The following GPHN variants were observed in gnomAD, a reference collection of about 807,000 sequenced individuals.
GPHN encodes the protein gephyrin.
GPHN carries 17 observed loss-of-function variants against 95.5 expected under a neutral mutation model. That is an observed-to-expected ratio of 0.18 (90% confidence interval 0.12 to 0.27). GPHN has a LOEUF of 0.27. GPHN is among the 10% of genes least tolerant of loss of function. The pLI, the probability that GPHN is intolerant of heterozygous loss-of-function variation, is 1.00. For synonymous variants in GPHN, 320 were observed against 322.5 expected (o/e 0.99, Z 0.08); for missense variants, 660 against 978.1 (o/e 0.67, Z 4.34).
At chr14:67,077,413 C>T (rs552622587) in intron 11 of GPHN, among the ~76,000 whole-genome samples, 2 of 152,268 alleles carry the variant, frequency 1.3e-5, no homozygotes, top group South Asian at 4.1e-4. Flanking sequence ...TGACTTGCCA[C>T]ATGTTTTCAA....
intron 2 of GPHN, among the ~76,000 whole-genome samples, chr14:66,688,858 TAACAATGAG>T (rs1378551873): frequency 8.0e-6 from 1 of 124,736 alleles, no homozygotes; most frequent in Non-Finnish European, 1.6e-5. Context: ...AGTGGGAGTT[TAACAATGAG>T]AACACATGGA....
At chr14:67,202,401 T>C in the GPHN span, among the ~76,000 whole-genome samples, 1 of 152,088 alleles carries the variant, frequency 6.6e-6, no homozygotes, top group Admixed American at 6.5e-5. Context: ...AGATCACCCA[T>C]GGCACTCCAG....
chr14:67,299,330 T>C, the GPHN span, among the ~76,000 whole-genome samples: 1 of 149,618 alleles, frequency 6.7e-6, no homozygotes, highest in African/African-American at 2.5e-5. Context: ...TAAAAACAAG[T>C]AGCGAAATGT....
At chr14:67,341,894 T>A in the GPHN span, among the ~76,000 whole-genome samples, 2 of 152,148 alleles carry the variant, frequency 1.3e-5, no homozygotes, top group Non-Finnish European at 2.9e-5. Context: ...CCCCCAACCC[T>A]GTGCTCTCTG....
At chr14:66,637,585 A>G (rs2064169286) in intron 1 of GPHN, among the ~76,000 whole-genome samples, 1 of 152,176 alleles carries the variant, frequency 6.6e-6, no homozygotes, top group African/African-American at 2.4e-5. Context: ...CTGTCTCATA[A>G]GATAGTATTA....
the GPHN span, among the ~76,000 whole-genome samples, chr14:67,278,482 T>A: frequency 1.3e-5 from 2 of 152,268 alleles, no homozygotes; most frequent in South Asian, 4.1e-4. Flanking sequence ...TCTCAAAAAC[T>A]CTTAAAGATG....
At chr14:66,585,209 G>A (rs1352365377) in intron 1 of GPHN, among the ~76,000 whole-genome samples, 2 of 152,126 alleles carry the variant, frequency 1.3e-5, no homozygotes, top group African/African-American at 2.4e-5. Flanking sequence ...ATGGTAGTTT[G>A]TATTTCTGTG....
the GPHN span, among the ~76,000 whole-genome samples, chr14:67,607,286 C>G: frequency 2.6e-5 from 4 of 152,212 alleles, no homozygotes; most frequent in African/African-American, 7.2e-5. Flanking sequence ...TTAAAAACCA[C>G]TACACCTGGG....
At chr14:67,640,665 C>G in the GPHN span, among the ~76,000 whole-genome samples, 2 of 152,166 alleles carry the variant, frequency 1.3e-5, no homozygotes, top group African/African-American at 4.8e-5. Context: ...CCCACCAATA[C>G]CAGGACCCTA....
chr14:66,968,330 G>A (rs921876674), intron 9 of GPHN, among the ~76,000 whole-genome samples: 1 of 151,938 alleles, frequency 6.6e-6, no homozygotes, highest in African/African-American at 2.4e-5. Context: ...TTAATCTGAG[G>A]CATATGTGAG....
At chr14:67,452,061 G>T in the GPHN span, among the ~76,000 whole-genome samples, 1 of 152,210 alleles carries the variant, frequency 6.6e-6, no homozygotes, top group Non-Finnish European at 1.5e-5. Context: ...GCTGGGCATG[G>T]TGGCTCCTGC....
At chr14:67,100,757 A>G (rs2077655907) in intron 12 of GPHN, 99 bp from the exon 13 acceptor site, 1 of 803,180 alleles carries the variant, frequency 1.2e-6, no homozygotes, top group African/African-American at 1.7e-5. Context: ...AAGCCTTATC[A>G]AATAATTTGA....
chr14:67,531,568 C>T, the GPHN span, among the ~76,000 whole-genome samples: 1 of 151,744 alleles, frequency 6.6e-6, no homozygotes, highest in African/African-American at 2.4e-5. Context: ...CATGCTCCTC[C>T]CATTCCACTC....
the GPHN span, chr14:67,674,518 C>G: frequency 6.4e-6 from 10 of 1,568,072 alleles, no homozygotes; most frequent in Admixed American, 1.9e-5. Context: ...GCAGCGGCCA[C>G]CGAGATTCGG....
chr14:67,615,649 G>T, the GPHN span: 1 of 533,102 alleles, frequency 1.9e-6, no homozygotes, highest in South Asian at 1.7e-5. Context: ...GTCTGCTAAA[G>T]AGAAAGGACA....
At chr14:66,689,749 T>C (rs1417994143) in intron 2 of GPHN, among the ~76,000 whole-genome samples, 1 of 152,172 alleles carries the variant, frequency 6.6e-6, no homozygotes, top group Non-Finnish European at 1.5e-5. Context: ...TCATTTCTTC[T>C]TGGCTCAGTT....
chr14:67,215,682 T>C, the GPHN span, among the ~76,000 whole-genome samples: 6 of 152,184 alleles, frequency 3.9e-5, no homozygotes, highest in Non-Finnish European at 8.8e-5. Flanking sequence ...AGTATGACTT[T>C]ATTAGAAAAG....
rs765267813 is a variant in GPHN at position 66,599,392 on chromosome 14, A to ATTTTTTTTTTTTTTTTTTTTTTTT, written c.65-81699_65-81698insTTTTTTTTTTTTTTTTTTTTTTTT. ...TCTCTGATTTTACATTTTTTTTTGCATTTTTTTTTTTTTTTTGCTAGATGC... is the reference window on the plus strand; with the variant it reads ...TCTCTGATTTTACATTTTTTTTTGCATTTTTTTTTTTTTTTTTTTTTTTTTTTTTTTTTTTTTTTTGCTAGATGC... On this transcript the variant is annotated intron_variant, in intron 1 of 22. Transcript: ENST00000478722. Among the ~76,000 whole-genome samples the ATTTTTTTTTTTTTTTTTTTTTTTT allele has an allele frequency of 2.6e-4, 20 of 76,494 alleles. 1 individual carries two copies. The highest frequency in any genetic ancestry group is 8.8e-3 in the Middle Eastern group (1 of 114). The allele number at this position is 76,494 out of a possible 152,430, so 50.2% of individuals were successfully genotyped here. A position where few individuals can be genotyped will look rare whatever the true frequency, so the allele number is the denominator to read the frequency against.
the GPHN span, chr14:67,470,760 C>G: frequency 0.036 from 5,436 of 152,642 alleles, 95 homozygotes; most frequent in Middle Eastern, 0.051. Flanking sequence ...AGCAGATGTC[C>G]GAAGCAGTTC....
Sources: allele counts gnomAD v4.1 joint callset (sites outside exome capture counted in the v4.1 genomes callset), GRCh38; gene constraint gnomAD v4.1.1; transcripts MANE v1.5; gene names NCBI Gene and HGNC (gene_info 2026-07-23, HGNC 2026-07-21).